Variants in FREM1 observed in about 807,000 individuals in gnomAD.
The protein encoded by FREM1 is FRAS1-related extracellular matrix protein 1.
Under a neutral mutation model 210.1 loss-of-function variants are expected in FREM1, and 220 were observed. That is an observed-to-expected ratio of 1.05 (90% CI 0.94 to 1.17). FREM1 has a LOEUF of 1.17. Among genes scored for constraint, FREM1 ranks in the 50% most tolerant of loss-of-function variants. The probability of loss-of-function intolerance (pLI) is 0.00; values close to 1 mark genes in which losing one functional copy is unlikely to be tolerated. For synonymous variants in FREM1, 1,189 were observed against 980.2 expected (o/e 1.21, Z -3.98); for missense variants, 3,454 against 2,675.5 (o/e 1.29, Z -6.42).
At chr9:14,884,833 A>G (rs770299583) in intron 1 of FREM1, among the ~76,000 whole-genome samples, 10 of 150,604 alleles carry the variant, frequency 6.6e-5, no homozygotes, top group Non-Finnish European at 7.4e-5. Flanking sequence ...GAATTTTGCA[A>G]TGGTAGCTAC....
intron 23 of FREM1, among the ~76,000 whole-genome samples, chr9:14,787,216 T>G (rs188498406): frequency 3.9e-5 from 6 of 152,248 alleles, no homozygotes; most frequent in Non-Finnish European, 8.8e-5. Context: ...GATAAACAAT[T>G]ATGGCTACAA....
chr9:14,860,948 CATATACACAT>C (rs1456319760), intron 3 of FREM1, among the ~76,000 whole-genome samples: 1 of 50,474 alleles, frequency 2.0e-5, no homozygotes, highest in Non-Finnish European at 3.6e-5. Context: ...CACATATACA[CATATACACAT>C]ATATACACAT....
rs542587894 is a variant in FREM1, at chr9:14,899,875, T to C, written c.-268+10039A>G. On this transcript the variant is annotated intron_variant, in intron 1 of 36. Coordinates refer to ENST00000380880, the MANE Select transcript of FREM1 (RefSeq NM_001379081.2). ...AAAACATACTAACTTATCTGTCCTT[T>C]ACTGTGTTGGCCAAAGGTGATGAGA... Among the ~76,000 whole-genome samples the C allele has an allele frequency of 3.0e-3, 453 of 152,328 alleles. 4 individuals carry two copies. The highest frequency in any genetic ancestry group is 0.011 in the African/African-American group (439 of 41,578).
At position 14,861,228 on chromosome 9, in the gene FREM1, TAC is replaced by T. The variant is rs1181561308; in HGVS notation, c.330-1746_330-1745del. On this transcript the variant is annotated intron_variant, in intron 3 of 36. Transcript: ENST00000380880. ...ACACATATACATATATACACATATA[TAC>T]ACATATATACACACATATATACATA... Among the ~76,000 whole-genome samples the T allele has an allele frequency of 1.1e-3, 114 of 103,290 alleles. 3 individuals carry two copies. Among genetic ancestry groups the T allele is most frequent in the African/African-American group, 4.8e-3 (110 of 23,060 alleles). The allele number at this position is 103,290 out of a possible 152,430, so 67.8% of individuals were successfully genotyped here. A position where few individuals can be genotyped will look rare whatever the true frequency, so the allele number is the denominator to read the frequency against.
At chr9:14,789,651 TCAC>T (rs1850973588) in intron 22 of FREM1, among the ~76,000 whole-genome samples, 1 of 152,180 alleles carries the variant, frequency 6.6e-6, no homozygotes. Context: ...ATGATGGGGA[TCAC>T]TATCACTACC....
Position 14,801,433 on chromosome 9 carries a change from T to A in FREM1, c.3694+219A>T, listed in dbSNP as rs184149639. 5.9e-5 allele frequency among the ~76,000 whole-genome samples: 9 copies of A among 152,360 alleles called. No individual in the cohort carries two copies. In the East Asian group the frequency reaches 1.7e-3, roughly 29 times the overall value. On this transcript the variant is annotated intron_variant, in intron 20 of 36. Transcript: ENST00000380880. ...TGCAATATATTGTTAACTATGGTAA[T>A]TATGCTGTACAATAAATCTCTTGAA...
In FREM1 at chr9:14,801,685, C is replaced by G. The variant is rs370147643; in HGVS notation, c.3661G>C (p.Val1221Leu). The G allele has an allele frequency of 6.8e-6, 11 of 1,613,778 alleles. No individual in the cohort carries two copies. Among genetic ancestry groups the G allele is most frequent in the Non-Finnish European group, 9.3e-6 (11 of 1,179,700 alleles). ...AGGAGTTCCATGGAAAAGCTGTGAA[C>G]AGGTGCATGTTTCTGGTGAGGGTTG... Reference protein sequence around the residue: ...PANPHQKHAPVHSFSMELLKT... With the variant: ...PANPHQKHAPLHSFSMELLKT... Residue 1221 changes from valine (V) to leucine (L), a missense_variant, in exon 20 of 37, where the codon GTT becomes CTT. Val to Leu is a conservative substitution (Grantham distance 32). Transcript: ENST00000380880.
chr9:14,883,626 T>C (rs932794709), intron 1 of FREM1, among the ~76,000 whole-genome samples: 3 of 152,186 alleles, frequency 2.0e-5, no homozygotes, highest in African/African-American at 7.2e-5. Flanking sequence ...ACAGTGATGA[T>C]GGGTCTTTTA....
intron 10 of FREM1, among the ~76,000 whole-genome samples, chr9:14,834,148 A>C (rs181944338): frequency 2.6e-5 from 4 of 152,348 alleles, no homozygotes; most frequent in African/African-American, 7.2e-5. Flanking sequence ...GGCTAATAGT[A>C]GTTATAAATC....
Position 14,842,470 on chromosome 9 carries a change from A to G in FREM1, c.1584T>C (p.Val528=). The stretch of plus-strand genomic sequence containing the variant: ...TCTGCCCCTCCTCCAGTTCAATCAC[A>G]ACATTGGTTATGAGGAACGGGGGAC... ...DDSPPFLITN[V]VIELEEGQTI... Residue 528 remains valine, a synonymous_variant, in exon 9 of 37, where the codon GTT becomes GTC. Transcript: ENST00000380880. 1 of 1,614,024 alleles carries G rather than the reference A, an allele frequency of 6.2e-7. No homozygotes were observed. The highest frequency in any genetic ancestry group is 8.5e-7 in the Non-Finnish European group (1 of 1,179,892).
intron 10 of FREM1, among the ~76,000 whole-genome samples, chr9:14,830,868 C>T (rs139869056): frequency 2.6e-5 from 4 of 152,312 alleles, no homozygotes; most frequent in African/African-American, 4.8e-5. Flanking sequence ...ATCAGAGTGG[C>T]GACTGTGGGA....
intron 6 of FREM1, among the ~76,000 whole-genome samples, chr9:14,850,046 G>A (rs1827395918): frequency 1.3e-5 from 2 of 152,140 alleles, no homozygotes; most frequent in Non-Finnish European, 2.9e-5. Context: ...TTACAATAGA[G>A]ATAACCCCAG....
At chr9:14,767,389 A>T (rs1846630175) in intron 27 of FREM1, among the ~76,000 whole-genome samples, 1 of 152,170 alleles carries the variant, frequency 6.6e-6, no homozygotes, top group Admixed American at 6.5e-5. Flanking sequence ...ACAGTCCTTA[A>T]AATGGGCAAG....
Position 14,824,967 on chromosome 9 carries a change from A to C in FREM1, c.1907T>G (p.Val636Gly), listed in dbSNP as rs765390618. 3 of 1,600,580 alleles carry C rather than the reference A, an allele frequency of 1.9e-6. No homozygotes were observed. The highest frequency in any genetic ancestry group is 2.5e-6 in the Non-Finnish European group (3 of 1,176,896). The change falls in exon 11 of 37, where the codon GTG (valine) becomes GGG (glycine). Residue 636 changes from valine (V) to glycine (G), a missense_variant. Coordinates refer to ENST00000380880, the MANE Select transcript of FREM1 (RefSeq NM_001379081.2). ...AGCCTCTTTTGGAAGCTGGTCATCCACTGGAGTTATATGGATTGTTGCCAC... is the reference window on the plus strand; with the variant it reads ...AGCCTCTTTTGGAAGCTGGTCATCCCCTGGAGTTATATGGATTGTTGCCAC... The part of the protein sequence containing the change: ...PQVATIHITP[V>G]DDQLPKEAPG...
At chr9:14,800,946 G>T (rs1479551277) in intron 20 of FREM1, among the ~76,000 whole-genome samples, 1 of 151,828 alleles carries the variant, frequency 6.6e-6, no homozygotes, top group Admixed American at 6.6e-5. Context: ...ATATATAATG[G>T]GGTGTTTTGA....
Position 14,910,282 on chromosome 9 carries a change from G to C in FREM1, c.-636C>G, listed in dbSNP as rs1262104172. The C allele has an allele frequency of 6.6e-6, 1 of 152,250 alleles. No individual in the cohort carries two copies. The highest frequency in any genetic ancestry group is 1.5e-5 in the Non-Finnish European group (1 of 68,080). 9.4% of individuals were successfully genotyped at this position (152,250 alleles called of 1,614,324 possible). A position where few individuals can be genotyped will look rare whatever the true frequency, so the allele number is the denominator to read the frequency against. On this transcript the variant is annotated 5_prime_UTR_variant, in exon 1 of 37. Transcript: ENST00000380880. Reference sequence around the variant, plus strand: ...AGATGCCTTCTACTGTTTACACAGAGCCCGACCTCCCTGGCGGACAGCCAC... The same window carrying C: ...AGATGCCTTCTACTGTTTACACAGACCCCGACCTCCCTGGCGGACAGCCAC...
At position 14,789,074 on chromosome 9, in the gene FREM1, C is replaced by T; in HGVS notation, c.4022G>A (p.Cys1341Tyr). The change falls in exon 23 of 37, where the codon TGC becomes TAC. Residue 1341 changes from cysteine to tyrosine, a missense_variant. Transcript: ENST00000380880. ...DWVPLSPGMK[C>Y]TQEEVDLNLL... ...GTTCAGATCCACTTCCTCCTGAGTG[C>T]ATTTCATGCCAGGGGAGAGAGGAAC... The T allele has an allele frequency of 1.2e-6, 2 of 1,604,378 alleles. No individual in the cohort carries two copies. Among genetic ancestry groups the T allele is most frequent in the East Asian group, 2.2e-5 (1 of 44,586 alleles).
At chr9:14,834,042 C>G (rs1020346937) in intron 10 of FREM1, among the ~76,000 whole-genome samples, 2 of 152,166 alleles carry the variant, frequency 1.3e-5, no homozygotes, top group Non-Finnish European at 2.9e-5. Flanking sequence ...ATTGTGTTAT[C>G]TGATGGTTTT....
At chr9:14,904,610 G>C (rs1817369215) in intron 1 of FREM1, among the ~76,000 whole-genome samples, 1 of 152,188 alleles carries the variant, frequency 6.6e-6, no homozygotes, top group Admixed American at 6.5e-5. Flanking sequence ...GCAGAACCAG[G>C]GAGAATGTGT....
Sources: gnomAD v4.1 joint callset for allele counts (sites outside exome capture counted in the v4.1 genomes callset) on GRCh38, gnomAD v4.1.1 for gene constraint, MANE v1.5 for transcripts, NCBI Gene and HGNC (gene_info 2026-07-23, HGNC 2026-07-21) for gene names.